The following KLHL2 variants were observed in gnomAD, a reference collection of about 807,000 sequenced individuals.
KLHL2 encodes kelch like family member 2.
In KLHL2, 15 loss-of-function variants were observed where a neutral mutation model predicts 75.8. The observed-to-expected ratio is 0.20, with a 90% CI of 0.13 to 0.30. The LOEUF (loss-of-function observed/expected upper bound fraction) is 0.30, where lower values mean the gene tolerates loss of function less well. Ranked by LOEUF, KLHL2 falls within the 10% of genes least tolerant of loss-of-function variation. The pLI, the probability that KLHL2 is intolerant of heterozygous loss-of-function variation, is 1.00. For synonymous variants in KLHL2, 214 were observed against 251.9 expected, an observed-to-expected ratio of 0.85 and a Z score of 1.42; for missense variants, 381 against 741.0, an observed-to-expected ratio of 0.51 and a Z score of 5.64.
At chr4:165,266,770 T>C (rs1742275487) in intron 5 of KLHL2, among the ~76,000 whole-genome samples, 1 of 152,224 alleles carries the variant, frequency 6.6e-6, no homozygotes, top group Non-Finnish European at 1.5e-5. Context: ...TCCAGCTTTG[T>C]TCTTTTTGCT....
chr4:165,215,108 A>G (rs1258977511), intron 1 of KLHL2, among the ~76,000 whole-genome samples: 1 of 152,204 alleles, frequency 6.6e-6, no homozygotes, highest in Non-Finnish European at 1.5e-5. Flanking sequence ...ATACCTAATA[A>G]AAGTTTAAAT....
chr4:165,244,510 A>G (rs1325358668), intron 4 of KLHL2, among the ~76,000 whole-genome samples: 1 of 152,242 alleles, frequency 6.6e-6, no homozygotes, highest in Non-Finnish European at 1.5e-5. Context: ...AAACATTGAA[A>G]TGAAATTCCC....
At chr4:165,238,572 A>T (rs1267835020) in intron 3 of KLHL2, among the ~76,000 whole-genome samples, 3 of 152,220 alleles carry the variant, frequency 2.0e-5, no homozygotes, top group East Asian at 3.9e-4. Flanking sequence ...TTCAGGTGCA[A>T]GTGGGTAACA....
chr4:165,217,555 G>A (rs1385349747), intron 1 of KLHL2, among the ~76,000 whole-genome samples: 2 of 152,124 alleles, frequency 1.3e-5, no homozygotes, highest in Admixed American at 6.6e-5. Flanking sequence ...AAAGCCTTGC[G>A]CTAATTCATT....
Position 165,270,868 on chromosome 4 carries a change from G to C in KLHL2, c.544+7509G>C, listed in dbSNP as rs191302655. On this transcript the variant is annotated intron_variant, in intron 5 of 14. Coordinates refer to ENST00000226725, the MANE Select transcript of KLHL2 (RefSeq NM_007246.4). ...CTGCTCTCTTCAGAGATGTCAAACA[G>C]GGACATTTAAGTCTGCAGAAGCGGT... Among the ~76,000 whole-genome samples the C allele has an allele frequency of 9.7e-3, 1,472 of 152,308 alleles. 22 individuals carry two copies. The highest frequency in any genetic ancestry group is 0.032 in the African/African-American group (1,314 of 41,556).
At chr4:165,239,995 ATATG>A (rs1288442003) in intron 4 of KLHL2, among the ~76,000 whole-genome samples, 1 of 127,236 alleles carries the variant, frequency 7.9e-6, no homozygotes, top group Non-Finnish European at 1.7e-5. Flanking sequence ...CTATATATAT[ATATG>A]TATGATTTTT....
At chr4:165,313,200 T>G in intron 11 of KLHL2, 38 bp from the exon 12 acceptor site, 1 of 1,588,046 alleles carries the variant, frequency 6.3e-7, no homozygotes, top group Non-Finnish European at 8.5e-7. Context: ...TTGTTTGTTT[T>G]TTAATAAATT....
intron 5 of KLHL2, chr4:165,279,119 C>A (rs772775145): frequency 6.3e-7 from 1 of 1,599,782 alleles, no homozygotes; most frequent in East Asian, 2.2e-5. Context: ...ATCAATAGTC[C>A]CAAAAAGAGC....
At chr4:165,304,348 C>T (rs1346911687) in intron 8 of KLHL2, among the ~76,000 whole-genome samples, 1 of 152,012 alleles carries the variant, frequency 6.6e-6, no homozygotes, top group South Asian at 2.1e-4. Flanking sequence ...TGCTTTGTAC[C>T]CATCTTTCTT....
At chr4:165,244,878 G>A (rs1442633346) in intron 4 of KLHL2, among the ~76,000 whole-genome samples, 2 of 152,110 alleles carry the variant, frequency 1.3e-5, no homozygotes, top group African/African-American at 4.8e-5. Context: ...TTGTGTGTGT[G>A]TTTTTTTTGA....
chr4:165,253,679 A>G lies in KLHL2; in HGVS notation c.382-9518A>G, dbSNP rs370701586. 1.6e-4 allele frequency among the ~76,000 whole-genome samples: 25 copies of G among 152,332 alleles called. No individual in the cohort carries two copies. The East Asian group carries it at 2.7e-3, about 16-fold the overall frequency. On this transcript the variant is annotated intron_variant, in intron 4 of 14. Coordinates refer to ENST00000226725, the MANE Select transcript of KLHL2 (RefSeq NM_007246.4). ...ATTTATAACCTCAGGTCTCTTCCCA[A>G]TAAATCTCCCACTCCCTTTCCAGGC...
chr4:165,253,372 A>G lies in KLHL2; in HGVS notation c.382-9825A>G, dbSNP rs571382147. 3.9e-5 allele frequency among the ~76,000 whole-genome samples: 6 copies of G among 152,336 alleles called. No individual in the cohort carries two copies. In the East Asian group the frequency reaches 1.2e-3, roughly 29 times the overall value. On this transcript the variant is annotated intron_variant, in intron 4 of 14. Transcript: ENST00000226725. ...TTAAATCATCTCTAGTTTGTGTACA[A>G]TACCTAATACAATGTAAATGCTGTG...
chr4:165,219,088 T>C (rs1737778972), intron 1 of KLHL2, among the ~76,000 whole-genome samples: 2 of 152,266 alleles, frequency 1.3e-5, no homozygotes, highest in African/African-American at 4.8e-5. Context: ...GACCCTGATT[T>C]TTTTGGTTAA....
intron 1 of KLHL2, among the ~76,000 whole-genome samples, chr4:165,215,278 G>A (rs1288269584): frequency 6.6e-6 from 1 of 152,148 alleles, no homozygotes; most frequent in Non-Finnish European, 1.5e-5. Context: ...TTTGAAGGAT[G>A]TGAGAGTATT....
At chr4:165,256,433 G>C (rs1429575545) in intron 4 of KLHL2, among the ~76,000 whole-genome samples, 1 of 152,082 alleles carries the variant, frequency 6.6e-6, no homozygotes, top group African/African-American at 2.4e-5. Context: ...GCTGTTCACC[G>C]AACAGGAAGA....
intron 11 of KLHL2, among the ~76,000 whole-genome samples, chr4:165,311,802 T>C (rs1025982400): frequency 2.4e-5 from 3 of 126,262 alleles, no homozygotes; most frequent in Non-Finnish European, 4.7e-5. Context: ...TCCCTCCTCC[T>C]TTCTCTCTGT....
At chr4:165,260,042 A>T (rs1228605407) in intron 4 of KLHL2, among the ~76,000 whole-genome samples, 2 of 152,166 alleles carry the variant, frequency 1.3e-5, no homozygotes, top group Non-Finnish European at 2.9e-5. Flanking sequence ...TTTGGCACCC[A>T]AAATAAGCTA....
intron 5 of KLHL2, among the ~76,000 whole-genome samples, chr4:165,286,048 C>T (rs981186774): frequency 5.3e-5 from 8 of 152,084 alleles, no homozygotes; most frequent in African/African-American, 1.9e-4. Flanking sequence ...AGAGGAAGAA[C>T]TTGATTTATG....
intron 3 of KLHL2, among the ~76,000 whole-genome samples, chr4:165,236,629 C>T (rs1456853160): frequency 6.6e-6 from 1 of 152,128 alleles, no homozygotes; most frequent in Non-Finnish European, 1.5e-5. Context: ...AATAATGTAA[C>T]AACTGGAATT....
Sources: gnomAD v4.1 joint callset for allele counts (sites outside exome capture counted in the v4.1 genomes callset) on GRCh38, gnomAD v4.1.1 for gene constraint, MANE v1.5 for transcripts, NCBI Gene and HGNC (gene_info 2026-07-23, HGNC 2026-07-21) for gene names.